Variants in CTNNA3 observed in about 807,000 individuals in gnomAD.
CTNNA3 encodes catenin alpha 3.
In CTNNA3, 76 loss-of-function variants were observed where a neutral mutation model predicts 95.7. The ratio of observed to expected loss-of-function variants is 0.79; its 90% CI spans 0.66 to 0.96. The LOEUF (loss-of-function observed/expected upper bound fraction) is 0.96, where lower values mean the gene tolerates loss of function less well. Ranked by LOEUF, CTNNA3 falls within the 40% of genes least tolerant of loss-of-function variation. The pLI, the probability that CTNNA3 is intolerant of heterozygous loss-of-function variation, is 0.00. For missense variants in CTNNA3, 1,191 were observed against 1,089.8 expected, an observed-to-expected ratio of 1.09 and a Z score of -1.31; for synonymous variants, 431 against 374.4, an observed-to-expected ratio of 1.15 and a Z score of -1.74.
chr10:67,176,580 C>A (rs1246327324), intron 7 of CTNNA3, among the ~76,000 whole-genome samples: 1 of 152,096 alleles, frequency 6.6e-6, no homozygotes, highest in Non-Finnish European at 1.5e-5. Context: ...GTGAGTCTCC[C>A]AGAGATGTCC....
chr10:67,689,821 G>A (rs7922209), intron 1 of CTNNA3, among the ~76,000 whole-genome samples: 29,576 of 152,020 alleles, frequency 0.19, 3,546 homozygotes, highest in African/African-American at 0.34. Flanking sequence ...TTAGTCCAGC[G>A]GCCGCGCTAG....
At chr10:67,195,424 C>T (rs989855797) in intron 6 of CTNNA3, among the ~76,000 whole-genome samples, 11 of 147,116 alleles carry the variant, frequency 7.5e-5, no homozygotes, top group Admixed American at 2.1e-4. Flanking sequence ...TTTATTCCAT[C>T]CCTGGTAGAA....
At chr10:67,483,591 C>A (rs1848326735) in intron 5 of CTNNA3, among the ~76,000 whole-genome samples, 1 of 151,036 alleles carries the variant, frequency 6.6e-6, no homozygotes, top group Admixed American at 6.6e-5. Context: ...GGGAACATCA[C>A]ACTCTGGGGA....
intron 7 of CTNNA3, among the ~76,000 whole-genome samples, chr10:66,902,057 C>T (rs1000447317): frequency 6.6e-6 from 1 of 152,160 alleles, no homozygotes; most frequent in Non-Finnish European, 1.5e-5. Flanking sequence ...GAACTCTCCA[C>T]CCCAAATCAA....
chr10:66,106,349 GTGTGTGT>G (rs1733505436), intron 13 of CTNNA3, among the ~76,000 whole-genome samples: 1 of 145,648 alleles, frequency 6.9e-6, no homozygotes, highest in South Asian at 2.2e-4. Flanking sequence ...GTGTGTGTGT[GTGTGTGT>G]GTGTGTGTGT....
intron 9 of CTNNA3, among the ~76,000 whole-genome samples, chr10:66,679,737 C>T (rs896187226): frequency 6.6e-6 from 1 of 152,084 alleles, no homozygotes; most frequent in African/African-American, 2.4e-5. Context: ...CAATGAGGTA[C>T]AGCAATGAAG....
chr10:67,026,755 T>C (rs545865147), intron 7 of CTNNA3, among the ~76,000 whole-genome samples: 1 of 152,316 alleles, frequency 6.6e-6, no homozygotes, highest in South Asian at 2.1e-4. Flanking sequence ...TGGTTCTTAG[T>C]TGTTCAAAGA....
chr10:67,409,922 G>T (rs1221415339), intron 5 of CTNNA3, among the ~76,000 whole-genome samples: 3 of 152,090 alleles, frequency 2.0e-5, no homozygotes, highest in Non-Finnish European at 2.9e-5. Context: ...GTGGAAATTA[G>T]TTCAACCATT....
chr10:66,492,084 T>C (rs569428731), intron 11 of CTNNA3, among the ~76,000 whole-genome samples: 1 of 152,260 alleles, frequency 6.6e-6, no homozygotes, highest in Non-Finnish European at 1.5e-5. Context: ...CAAACAGAAA[T>C]TGATTTGTTA....
At position 67,372,850 on chromosome 10, in the gene CTNNA3, C is replaced by T. The variant is rs563038428; in HGVS notation, c.579+148992G>A. Among the ~76,000 whole-genome samples the T allele has an allele frequency of 2.1e-4, 32 of 152,222 alleles. No individual in the cohort carries two copies. In the South Asian group the frequency reaches 4.6e-3, roughly 22 times the overall value. ...CATTCTTAAAGAAAAGAATTTTCAA[C>T]CCAGAATTTCATATCCAGCCAAACT... On this transcript the variant is annotated intron_variant, in intron 5 of 17. Transcript: ENST00000433211.
chr10:67,299,431 C>T (rs1483184589), intron 5 of CTNNA3, among the ~76,000 whole-genome samples: 1 of 152,092 alleles, frequency 6.6e-6, no homozygotes, highest in Non-Finnish European at 1.5e-5. Flanking sequence ...CTTTTAAATA[C>T]TATGGTGGCA....
intron 9 of CTNNA3, among the ~76,000 whole-genome samples, chr10:66,725,540 CTT>C (rs1848754594): frequency 1.3e-5 from 2 of 152,086 alleles, no homozygotes; most frequent in African/African-American, 4.8e-5. Flanking sequence ...TAAAGTAGAG[CTT>C]TAATGCCCTC....
chr10:66,278,599 A>G (rs962567804), intron 13 of CTNNA3, among the ~76,000 whole-genome samples: 2 of 152,090 alleles, frequency 1.3e-5, no homozygotes, highest in African/African-American at 4.8e-5. Context: ...TTGATTTGCT[A>G]TAAGTAAGCT....
chr10:66,196,343 C>T (rs1037821674), intron 13 of CTNNA3, among the ~76,000 whole-genome samples: 6 of 152,094 alleles, frequency 3.9e-5, no homozygotes, highest in African/African-American at 1.2e-4. Flanking sequence ...CCCGAACCAG[C>T]AAGCACAGGG....
intron 3 of CTNNA3, among the ~76,000 whole-genome samples, chr10:67,605,885 G>A (rs1368241098): frequency 6.6e-6 from 1 of 152,138 alleles, no homozygotes; most frequent in Non-Finnish European, 1.5e-5. Context: ...TGGCCAGGCT[G>A]GTCTTGAACT....
At chr10:66,165,913 A>C (rs1444265446) in intron 13 of CTNNA3, among the ~76,000 whole-genome samples, 1 of 151,684 alleles carries the variant, frequency 6.6e-6, no homozygotes, top group African/African-American at 2.4e-5. Flanking sequence ...GATTACAGGC[A>C]CCTGCCACCA....
At chr10:66,471,919 T>C (rs968303922) in intron 11 of CTNNA3, among the ~76,000 whole-genome samples, 1 of 152,010 alleles carries the variant, frequency 6.6e-6, no homozygotes, top group African/African-American at 2.4e-5. Context: ...TACACTCAAT[T>C]TGAAAATATT....
chr10:66,571,897 C>G (rs900937937), intron 10 of CTNNA3, among the ~76,000 whole-genome samples: 1 of 152,136 alleles, frequency 6.6e-6, no homozygotes, highest in Non-Finnish European at 1.5e-5. Flanking sequence ...TATAGAATCA[C>G]TGACGCATTT....
intron 7 of CTNNA3, among the ~76,000 whole-genome samples, chr10:66,874,350 T>C (rs1844531436): frequency 6.6e-6 from 1 of 152,200 alleles, no homozygotes; most frequent in Non-Finnish European, 1.5e-5. Flanking sequence ...TTGAACCTCT[T>C]ACAAGTTTTG....
Sources: gnomAD v4.1 joint callset for allele counts (sites outside exome capture counted in the v4.1 genomes callset) on GRCh38, gnomAD v4.1.1 for gene constraint, MANE v1.5 for transcripts, NCBI Gene and HGNC (gene_info 2026-07-23, HGNC 2026-07-21) for gene names.